Variants in DECR1 observed in about 807,000 individuals in gnomAD.
DECR1 encodes 2,4-dienoyl-CoA reductase 1, also known as 2,4-dienoyl-CoA reductase [(3E)-enoyl-CoA-producing], mitochondrial.
In DECR1, 44 loss-of-function variants were observed where a neutral mutation model predicts 38.8. The observed-to-expected ratio is 1.13, with a 90% confidence interval of 0.89 to 1.46. DECR1 has a LOEUF of 1.46. Ranked by LOEUF, DECR1 falls within the 40% of genes most tolerant of loss-of-function variation. DECR1 has a pLI of 0.00. For synonymous variants in DECR1, 148 were observed against 135.2 expected (o/e 1.09, Z -0.66); for missense variants, 428 against 405.5 (o/e 1.06, Z -0.48).
chr8:90,038,991 A>C (rs1813684771), intron 6 of DECR1, among the ~76,000 whole-genome samples: 1 of 152,146 alleles, frequency 6.6e-6, no homozygotes, highest in South Asian at 2.1e-4. Flanking sequence ...AGAGCTTTTT[A>C]TCTCATGTCC....
At chr8:90,031,778 GT>G (rs1428718843) in intron 5 of DECR1, among the ~76,000 whole-genome samples, 1 of 152,122 alleles carries the variant, frequency 6.6e-6, no homozygotes, top group Non-Finnish European at 1.5e-5. Context: ...CAGCTCAGTT[GT>G]GTATTTAGGC....
chr8:90,038,454 CTTT>C (rs759045189), intron 6 of DECR1, among the ~76,000 whole-genome samples: 2 of 111,752 alleles, frequency 1.8e-5, no homozygotes, highest in Non-Finnish European at 3.6e-5. Context: ...CATCGCGGGC[CTTT>C]TTTTTTTTTT....
At chr8:90,017,072 CTG>C (rs1813025591) in intron 1 of DECR1, 50 bp from the exon 2 acceptor site, 1 of 1,317,762 alleles carries the variant, frequency 7.6e-7, no homozygotes, top group Admixed American at 2.0e-5. Flanking sequence ...AAAAATTCAT[CTG>C]TTTTTTGGAA....
chr8:90,041,931 C>T (rs1006677648), intron 6 of DECR1, among the ~76,000 whole-genome samples: 2 of 152,070 alleles, frequency 1.3e-5, no homozygotes, highest in African/African-American at 4.8e-5. Flanking sequence ...GCTACCTCGT[C>T]ATTATTTGAA....
At chr8:90,048,769 A>C (rs1451675233) in intron 8 of DECR1, among the ~76,000 whole-genome samples, 1 of 152,224 alleles carries the variant, frequency 6.6e-6, no homozygotes, top group Non-Finnish European at 1.5e-5. Flanking sequence ...TTCCTGATGA[A>C]CATTGATGCA....
intron 5 of DECR1, among the ~76,000 whole-genome samples, chr8:90,032,102 G>T (rs1813510170): frequency 1.3e-5 from 2 of 151,872 alleles, no homozygotes; most frequent in Non-Finnish European, 2.9e-5. Flanking sequence ...GATCTTATAG[G>T]CTAATATCAG....
In DECR1 at chr8:90,051,888, A is replaced by G. The variant is rs15094; in HGVS notation, c.999A>G (p.Lys333=). The G allele has an allele frequency of 6.2e-6, 10 of 1,613,738 alleles. No individual in the cohort carries two copies. The highest frequency in any genetic ancestry group is 1.7e-4 in the Middle Eastern group (1 of 6,054). Residue 333 remains lysine (K), a synonymous_variant, in exon 10 of 10, where the codon AAA becomes AAG. Coordinates refer to ENST00000220764, the MANE Select transcript of DECR1 (RefSeq NM_001359.2). The part of the protein sequence containing the change: ...DTIEELIRKT[K]GS ...TAGAAGAACTCATCAGGAAGACAAAAGGTTCCTAAGACCACTTTGGCCTTC... is the reference window on the plus strand; with the variant it reads ...TAGAAGAACTCATCAGGAAGACAAAGGGTTCCTAAGACCACTTTGGCCTTC...
intron 5 of DECR1, among the ~76,000 whole-genome samples, chr8:90,027,816 C>A (rs1157426352): frequency 2.0e-5 from 3 of 151,176 alleles, no homozygotes; most frequent in Non-Finnish European, 4.4e-5. Context: ...TTAATATAAG[C>A]CTTCTTTCTA....
intron 1 of DECR1, chr8:90,005,751 G>T (rs1812722652): frequency 3.2e-6 from 1 of 311,150 alleles, no homozygotes; most frequent in African/African-American, 2.2e-5. Flanking sequence ...AAAGAAAAGG[G>T]TTTGTTTGAC....
rs766014372 is a variant in DECR1 at position 90,051,691 on chromosome 8, C to T, written c.900C>T (p.Asp300=). The change falls in exon 9 of 10, where the codon GAC becomes GAT. Residue 300 remains aspartate, a synonymous_variant. Transcript: ENST00000220764. ...GTTTTTTCCAGGTCATTAAATTTGA[C>T]GGTGGAGAGGAAGTACTTATTTCAG... ...SWINGAVIKF[D]GGEEVLISGE... The T allele has an allele frequency of 2.7e-5, 43 of 1,611,420 alleles. 1 individual carries two copies. Among genetic ancestry groups the T allele is most frequent in the East Asian group, 1.8e-4 (8 of 44,816 alleles).
chr8:90,014,079 C>G (rs1812950934), intron 1 of DECR1, among the ~76,000 whole-genome samples: 1 of 152,026 alleles, frequency 6.6e-6, no homozygotes, highest in Non-Finnish European at 1.5e-5. Flanking sequence ...TTGGAAGACT[C>G]TAGAAAGTTT....
intron 1 of DECR1, among the ~76,000 whole-genome samples, chr8:90,007,924 C>G (rs1054030928): frequency 2.6e-5 from 4 of 152,206 alleles, no homozygotes; most frequent in African/African-American, 9.6e-5. Flanking sequence ...GTCTAGAATA[C>G]AAGGTCAACT....
At chr8:90,027,416 T>C (rs1376094942) in intron 5 of DECR1, among the ~76,000 whole-genome samples, 1 of 152,184 alleles carries the variant, frequency 6.6e-6, no homozygotes, top group Non-Finnish European at 1.5e-5. Context: ...CTGTATTGGG[T>C]GCATATATGT....
At chr8:90,030,725 G>A (rs1813474658) in intron 5 of DECR1, among the ~76,000 whole-genome samples, 1 of 152,168 alleles carries the variant, frequency 6.6e-6, no homozygotes, top group Non-Finnish European at 1.5e-5. Context: ...GTTGCTTAGA[G>A]TATATAAGAA....
At chr8:90,020,699 A>G (rs1196736692) in intron 4 of DECR1, among the ~76,000 whole-genome samples, 1 of 152,192 alleles carries the variant, frequency 6.6e-6, no homozygotes, top group East Asian at 1.9e-4. Flanking sequence ...ACCCTAATTT[A>G]AAGACGGCTT....
intron 1 of DECR1, among the ~76,000 whole-genome samples, chr8:90,004,819 G>A (rs943640308): frequency 3.9e-5 from 6 of 152,176 alleles, no homozygotes; most frequent in African/African-American, 1.4e-4. Context: ...ATGAATGAAC[G>A]TGTGTACTGT....
chr8:90,053,018 G>GT lies in DECR1; in HGVS notation c.*1121_*1122insT, dbSNP rs1325684075. Among the ~76,000 whole-genome samples the GT allele has an allele frequency of 1.3e-5, 2 of 152,152 alleles. No homozygotes were observed. The highest frequency in any genetic ancestry group is 3.4e-3 in the Middle Eastern group (1 of 294). ...ATTACATTTAATTGTGTATATATAG[G>GT]GGATGTTATAGGTTTGGAATAAGTG... On this transcript the variant is annotated 3_prime_UTR_variant, in exon 10 of 10. Transcript: ENST00000220764.
intron 1 of DECR1, among the ~76,000 whole-genome samples, chr8:90,004,836 A>G (rs1436176898): frequency 6.6e-6 from 1 of 152,246 alleles, no homozygotes; most frequent in Non-Finnish European, 1.5e-5. Context: ...CTGTGTTGCT[A>G]TGAACATGTG....
intron 8 of DECR1, among the ~76,000 whole-genome samples, chr8:90,048,743 G>T (rs1644781607): frequency 6.6e-6 from 1 of 151,878 alleles, no homozygotes; most frequent in South Asian, 2.1e-4. Flanking sequence ...CAAAAAAAGA[G>T]AATTTTAGAC....
Sources: allele counts gnomAD v4.1 joint callset (sites outside exome capture counted in the v4.1 genomes callset), GRCh38; gene constraint gnomAD v4.1.1; transcripts MANE v1.5; gene names NCBI Gene and HGNC (gene_info 2026-07-23, HGNC 2026-07-21).